The following KCNIP4 variants were observed in gnomAD, a reference collection of about 807,000 sequenced individuals.
KCNIP4 encodes potassium voltage-gated channel interacting protein 4, also known as Kv channel-interacting protein 4.
Under a neutral mutation model 34.0 loss-of-function variants are expected in KCNIP4, and 12 were observed. That is an observed-to-expected ratio of 0.35 (90% CI 0.23 to 0.57). The LOEUF (loss-of-function observed/expected upper bound fraction) is 0.57, where lower values mean the gene tolerates loss of function less well. KCNIP4 is among the 20% of genes least tolerant of loss of function. KCNIP4 has a pLI of 0.83. For synonymous variants in KCNIP4, 124 were observed against 102.2 expected (o/e 1.21, Z -1.29); for missense variants, 238 against 311.7 (o/e 0.76, Z 1.78).
intron 1 of KCNIP4, among the ~76,000 whole-genome samples, chr4:21,908,527 C>T (rs10018691): frequency 0.66 from 100,988 of 151,984 alleles, 37,027 homozygotes; most frequent in East Asian, 0.91. Flanking sequence ...TGGGATCATG[C>T]TAGAGTGAAG....
rs573600316 is a variant in KCNIP4, at chr4:21,443,949, A to AAGGGGATT, written c.61+504621_61+504622insAATCCCCT. 6.3e-3 allele frequency among the ~76,000 whole-genome samples: 958 copies of AAGGGGATT among 152,310 alleles called. 12 individuals carry two copies. The highest frequency in any genetic ancestry group is 0.022 in the African/African-American group (911 of 41,558). On this transcript the variant is annotated intron_variant, in intron 1 of 8. Coordinates refer to ENST00000382152, the MANE Select transcript of KCNIP4 (RefSeq NM_025221.6). ...AAAAAATGATAAAGGGGATATCACC[A>AAGGGGATT]CTGATCCCACAGAAATACAAACTAC...
intron 1 of KCNIP4, among the ~76,000 whole-genome samples, chr4:21,784,435 T>C (rs1719768602): frequency 8.2e-6 from 1 of 121,836 alleles, no homozygotes; most frequent in Admixed American, 7.3e-5. Flanking sequence ...AAAAAAACAT[T>C]TTTTGATTAA....
At chr4:20,937,490 T>C (rs1185612191) in intron 1 of KCNIP4, among the ~76,000 whole-genome samples, 1 of 150,098 alleles carries the variant, frequency 6.7e-6, no homozygotes, top group Non-Finnish European at 1.5e-5. Context: ...CGCCTCGGCC[T>C]CCTAAAGGGC....
chr4:20,858,829 C>T (rs1314644060), intron 2 of KCNIP4, among the ~76,000 whole-genome samples: 1 of 152,188 alleles, frequency 6.6e-6, no homozygotes, highest in Non-Finnish European at 1.5e-5. Context: ...CTACATTTTA[C>T]AAGAAGTCAT....
chr4:21,795,148 C>T (rs994090794), intron 1 of KCNIP4, among the ~76,000 whole-genome samples: 2 of 152,044 alleles, frequency 1.3e-5, no homozygotes, highest in African/African-American at 4.8e-5. Context: ...ATGAGGCCAC[C>T]GGGGTGAGCA....
chr4:21,797,853 A>G (rs1359975698), intron 1 of KCNIP4, among the ~76,000 whole-genome samples: 1 of 152,204 alleles, frequency 6.6e-6, no homozygotes, highest in Non-Finnish European at 1.5e-5. Context: ...AATTTACATG[A>G]TAAACACTCT....
At chr4:21,537,436 A>G (rs1737274009) in intron 1 of KCNIP4, among the ~76,000 whole-genome samples, 1 of 152,142 alleles carries the variant, frequency 6.6e-6, no homozygotes, top group South Asian at 2.1e-4. Context: ...AATATTTTAA[A>G]TCCTTATATC....
chr4:21,425,331 T>C (rs1335672161), intron 1 of KCNIP4, among the ~76,000 whole-genome samples: 3 of 152,190 alleles, frequency 2.0e-5, no homozygotes, highest in African/African-American at 7.2e-5. Context: ...TTAAACATTT[T>C]GACTTGTTAG....
At chr4:20,994,200 A>T (rs1192103455) in intron 1 of KCNIP4, among the ~76,000 whole-genome samples, 4 of 152,132 alleles carry the variant, frequency 2.6e-5, no homozygotes, top group African/African-American at 9.7e-5. Flanking sequence ...GGTTTAGGAT[A>T]TGGCCATCTT....
Position 20,844,138 on chromosome 4 carries a change from C to T in KCNIP4, c.288+6405G>A, listed in dbSNP as rs528138552. ...AGTTTCATGTCCAGAGAATCTAAGC[C>T]ATTGTTCAAGCTCAGAAATGGCAGC... On this transcript the variant is annotated intron_variant, in intron 3 of 8. Coordinates refer to ENST00000382152, the MANE Select transcript of KCNIP4 (RefSeq NM_025221.6). 6.2e-4 allele frequency among the ~76,000 whole-genome samples: 94 copies of T among 152,254 alleles called. 1 individual carries two copies. The highest frequency in any genetic ancestry group is 4.5e-3 in the Admixed American group (69 of 15,280).
chr4:20,936,758 T>C (rs6447998), intron 1 of KCNIP4, among the ~76,000 whole-genome samples: 101,714 of 152,076 alleles, frequency 0.67, 34,564 homozygotes, highest in East Asian at 0.77. Context: ...TATTTTTCAA[T>C]CCCTCACCAT....
chr4:21,165,877 G>C (rs1753594503), intron 1 of KCNIP4, among the ~76,000 whole-genome samples: 1 of 152,186 alleles, frequency 6.6e-6, no homozygotes, highest in Non-Finnish European at 1.5e-5. Context: ...GGCCATGCTG[G>C]CTCTGCCTTC....
intron 1 of KCNIP4, among the ~76,000 whole-genome samples, chr4:21,346,470 G>A (rs1281365690): frequency 6.7e-6 from 1 of 150,234 alleles, no homozygotes; most frequent in African/African-American, 2.4e-5. Context: ...ATTTGATGTG[G>A]AAATGAATTT....
chr4:21,886,639 T>A (rs1395898905), intron 1 of KCNIP4, among the ~76,000 whole-genome samples: 1 of 152,078 alleles, frequency 6.6e-6, no homozygotes, highest in Non-Finnish European at 1.5e-5. Flanking sequence ...TTTTCCACAT[T>A]GAAAAGTGTG....
At chr4:21,859,312 C>T (rs1027770661) in intron 1 of KCNIP4, among the ~76,000 whole-genome samples, 5 of 152,032 alleles carry the variant, frequency 3.3e-5, no homozygotes, top group African/African-American at 1.2e-4. Flanking sequence ...TTTTGAGGAC[C>T]CTTTCACCTG....
chr4:21,862,119 T>G (rs956333049), intron 1 of KCNIP4, among the ~76,000 whole-genome samples: 3 of 152,136 alleles, frequency 2.0e-5, no homozygotes, highest in Non-Finnish European at 2.9e-5. Flanking sequence ...GGACCAAATA[T>G]CACCTCATCA....
At chr4:21,343,946 G>A (rs909089631) in intron 1 of KCNIP4, among the ~76,000 whole-genome samples, 1 of 151,914 alleles carries the variant, frequency 6.6e-6, no homozygotes, top group South Asian at 2.1e-4. Context: ...TACCAATACT[G>A]GTAAAAGTCA....
chr4:21,192,898 A>C (rs1755753512), intron 1 of KCNIP4, among the ~76,000 whole-genome samples: 1 of 146,048 alleles, frequency 6.8e-6, no homozygotes, highest in Admixed American at 6.9e-5. Context: ...ACCACCCCCC[A>C]GCCCTGCCGC....
chr4:20,945,928 A>G (rs1732146607), intron 1 of KCNIP4, among the ~76,000 whole-genome samples: 1 of 152,208 alleles, frequency 6.6e-6, no homozygotes, highest in South Asian at 2.1e-4. Flanking sequence ...AATCAACTAT[A>G]GTTTAGTAGA....
Sources: gnomAD v4.1 joint callset for allele counts (sites outside exome capture counted in the v4.1 genomes callset) on GRCh38, gnomAD v4.1.1 for gene constraint, MANE v1.5 for transcripts, NCBI Gene and HGNC (gene_info 2026-07-23, HGNC 2026-07-21) for gene names.